The following PLEKHO2 variants were observed in gnomAD, a reference collection of about 807,000 sequenced individuals.
PLEKHO2 encodes pleckstrin homology domain-containing family O member 2.
A neutral mutation model predicts 32.7 loss-of-function variants in PLEKHO2; 20 were observed. The observed-to-expected ratio is 0.61, with a 90% CI of 0.43 to 0.89. PLEKHO2 has a LOEUF of 0.89. Among genes scored for constraint, PLEKHO2 ranks in the 40% least tolerant of loss-of-function variants. The probability of loss-of-function intolerance (pLI) is 0.00; values close to 1 mark genes in which losing one functional copy is unlikely to be tolerated. For synonymous variants in PLEKHO2, 247 were observed against 246.3 expected, an observed-to-expected ratio of 1.00 and a Z score of -0.03; for missense variants, 568 against 621.2, an observed-to-expected ratio of 0.91 and a Z score of 0.91.
intron 1 of PLEKHO2, among the ~76,000 whole-genome samples, chr15:64,847,671 G>A (rs1028537389): frequency 8.5e-5 from 13 of 152,164 alleles, no homozygotes; most frequent in African/African-American, 3.1e-4. Flanking sequence ...GTCAGTAGCT[G>A]GCCCCAAGGC....
Position 64,866,451 on chromosome 15 carries a change from G to C in PLEKHO2, c.*563G>C, listed in dbSNP as rs1364642694. ...TCAGTTGGGGGGAACGTAGGACCCA[G>C]CTGGAGCCTCTTGAGGGAGATGAGA... On this transcript the variant is annotated 3_prime_UTR_variant, in exon 6 of 6. Transcript: ENST00000323544. 2 of 455,100 alleles carry C rather than the reference G, an allele frequency of 4.4e-6. No individual in the cohort carries two copies. Among genetic ancestry groups the C allele is most frequent in the Admixed American group, 4.7e-5 (2 of 42,460 alleles). The allele number at this position is 455,100 out of a possible 1,614,324, so 28.2% of individuals were successfully genotyped here. A position where few individuals can be genotyped will look rare whatever the true frequency, so the allele number is the denominator to read the frequency against.
chr15:64,854,881 G>C (rs1207951979), intron 2 of PLEKHO2, 40 bp from the exon 3 acceptor site: 1 of 1,520,686 alleles, frequency 6.6e-7, no homozygotes, highest in East Asian at 2.3e-5. Context: ...TGGTGGGTCT[G>C]ACTGTCACCA....
At chr15:64,847,351 A>C (rs1009233194) in intron 1 of PLEKHO2, among the ~76,000 whole-genome samples, 7 of 152,182 alleles carry the variant, frequency 4.6e-5, no homozygotes, top group Non-Finnish European at 4.4e-5. Context: ...TATGTAAATT[A>C]TAACGTAGTC....
At chr15:64,862,748 A>C (rs534132372) in intron 5 of PLEKHO2, among the ~76,000 whole-genome samples, 109 of 152,210 alleles carry the variant, frequency 7.2e-4, no homozygotes, top group Admixed American at 2.7e-3. Context: ...AGGCATTTAC[A>C]ACATATTTTC....
chr15:64,851,226 C>T (rs1268793722), intron 2 of PLEKHO2, among the ~76,000 whole-genome samples: 4 of 152,158 alleles, frequency 2.6e-5, no homozygotes, highest in Non-Finnish European at 4.4e-5. Flanking sequence ...GGATGTGCCA[C>T]AGTTGAGAAT....
At chr15:64,863,765 C>T (rs544914837) in intron 5 of PLEKHO2, among the ~76,000 whole-genome samples, 70 of 141,658 alleles carry the variant, frequency 4.9e-4, no homozygotes, top group African/African-American at 1.6e-3. Flanking sequence ...TTTTTTGAGA[C>T]GGAGCTTCGC....
At chr15:64,860,848 G>T (rs2084636159) in intron 4 of PLEKHO2, among the ~76,000 whole-genome samples, 1 of 152,190 alleles carries the variant, frequency 6.6e-6, no homozygotes, top group Admixed American at 6.5e-5. Context: ...CCCACTGAGG[G>T]ACAGAGGGAC....
At chr15:64,849,729 C>T (rs1214583360) in intron 2 of PLEKHO2, among the ~76,000 whole-genome samples, 1 of 150,652 alleles carries the variant, frequency 6.6e-6, no homozygotes, top group Non-Finnish European at 1.5e-5. Flanking sequence ...AGGCGTGAGC[C>T]TGCGTGCCCA....
In PLEKHO2 at chr15:64,864,890, C is replaced by T; in HGVS notation, c.484-9C>T. 6.3e-7 allele frequency: 1 copy of T among 1,578,640 alleles called. No homozygotes were observed. The highest frequency in any genetic ancestry group is 8.6e-7 in the Non-Finnish European group (1 of 1,160,964). On this transcript the variant is annotated splice_polypyrimidine_tract_variant and intron_variant, in intron 5 of 5. Transcript: ENST00000323544. ...CAAGATGACACCCATATACCATCCC[C>T]CCCACCAGGTGGCCAGTGCAGCTTC...
intron 1 of PLEKHO2, among the ~76,000 whole-genome samples, chr15:64,844,737 A>G (rs760778548): frequency 3.1e-4 from 47 of 152,172 alleles, no homozygotes; most frequent in Admixed American, 2.4e-3. Context: ...TCTCTGGACC[A>G]AGGCGTGTGT....
In PLEKHO2 at chr15:64,867,552, C is replaced by G. The variant is rs1013328314; in HGVS notation, c.*1664C>G. 2 of 152,268 alleles carry G rather than the reference C, an allele frequency of 1.3e-5. No individual in the cohort carries two copies. The highest frequency in any genetic ancestry group is 6.5e-5 in the Admixed American group (1 of 15,286). 9.4% of individuals were successfully genotyped at this position (152,268 alleles called of 1,614,324 possible). On this transcript the variant is annotated 3_prime_UTR_variant, in exon 6 of 6. Transcript: ENST00000323544. ...AGTCATGTGATCCCCTGCCATCTTG[C>G]CTTAGGAACAGCCTTCCCCCACCAG...
intron 2 of PLEKHO2, among the ~76,000 whole-genome samples, chr15:64,849,724 T>TG (rs2084552362): frequency 6.6e-6 from 1 of 150,492 alleles, no homozygotes; most frequent in South Asian, 2.1e-4. Flanking sequence ...ATTACAGGCG[T>TG]GAGCCTGCGT....
At chr15:64,864,469 G>A (rs530941351) in intron 5 of PLEKHO2, among the ~76,000 whole-genome samples, 91 of 152,314 alleles carry the variant, frequency 6.0e-4, no homozygotes, top group Non-Finnish European at 9.7e-4. Flanking sequence ...CCAACTGGTT[G>A]TGGGGACCCT....
rs2084672582 is a variant in PLEKHO2, at chr15:64,865,168, A to C, written c.753A>C (p.Pro251=). 18 of 1,614,152 alleles carry C rather than the reference A, an allele frequency of 1.1e-5. No homozygotes were observed. The highest frequency in any genetic ancestry group is 1.4e-5 in the Non-Finnish European group (17 of 1,180,016). Residue 251 remains proline, a synonymous_variant, in exon 6 of 6, where the codon CCA becomes CCC. Transcript: ENST00000323544. ...AGAGCCAAGAGGACTCAGAGACCCC[A>C]GCAGAGGAGGACAGTGGCTCTGAGC... ...SPESQEDSET[P]AEEDSGSEQP...
intron 2 of PLEKHO2, among the ~76,000 whole-genome samples, chr15:64,852,514 T>C (rs2084576366): frequency 6.6e-6 from 1 of 152,180 alleles, no homozygotes; most frequent in Non-Finnish European, 1.5e-5. Context: ...GTCTGGGCCT[T>C]GCACCCCAAG....
chr15:64,854,009 T>C (rs1424411617), intron 2 of PLEKHO2, among the ~76,000 whole-genome samples: 3 of 152,218 alleles, frequency 2.0e-5, no homozygotes, highest in Non-Finnish European at 2.9e-5. Flanking sequence ...AAGGATCTGC[T>C]TCTGCTTCCC....
At chr15:64,848,064 G>A (rs1409970000) in intron 1 of PLEKHO2, among the ~76,000 whole-genome samples, 1 of 152,170 alleles carries the variant, frequency 6.6e-6, no homozygotes, top group African/African-American at 2.4e-5. Flanking sequence ...TATTTGTTCA[G>A]CTCCTATTTT....
chr15:64,854,823 T>G, intron 2 of PLEKHO2, 98 bp from the exon 3 acceptor site: 1 of 911,622 alleles, frequency 1.1e-6, no homozygotes, highest in Non-Finnish European at 1.8e-6. Flanking sequence ...CCAAGTGATG[T>G]CCTCGCTGAG....
Position 64,841,943 on chromosome 15 carries a change from G to T in PLEKHO2, c.-74G>T, listed in dbSNP as rs980205265. On this transcript the variant is annotated 5_prime_UTR_variant, in exon 1 of 6. Transcript: ENST00000323544. ...ACGCGGAGAGTCGCCGCCTGGCCGG[G>T]CGTAGACGCGGTGGCAGAGCCCGCG... 17 of 1,233,802 alleles carry T rather than the reference G, an allele frequency of 1.4e-5. No individual in the cohort carries two copies. The highest frequency in any genetic ancestry group is 1.6e-5 in the Non-Finnish European group (16 of 986,924). The allele number at this position is 1,233,802 out of a possible 1,614,324, so 76.4% of individuals were successfully genotyped here. A position where few individuals can be genotyped will look rare whatever the true frequency, so the allele number is the denominator to read the frequency against.
Sources: gnomAD v4.1 joint callset for allele counts (sites outside exome capture counted in the v4.1 genomes callset) on GRCh38, gnomAD v4.1.1 for gene constraint, MANE v1.5 for transcripts, NCBI Gene and HGNC (gene_info 2026-07-23, HGNC 2026-07-21) for gene names.